CACNA1C: variants seen among roughly 807,000 people sequenced by gnomAD.
The protein encoded by CACNA1C is calcium voltage-gated channel subunit alpha1 C.
CACNA1C carries 30 observed loss-of-function variants against 229.0 expected under a neutral mutation model. That is an observed-to-expected ratio of 0.13 (90% CI 0.10 to 0.18). The LOEUF (loss-of-function observed/expected upper bound fraction) is 0.18. Among genes scored for constraint, CACNA1C ranks in the 10% least tolerant of loss-of-function variants. The probability of loss-of-function intolerance (pLI) is 1.00; values close to 1 mark genes in which losing one functional copy is unlikely to be tolerated. For synonymous variants in CACNA1C, 1,114 were observed against 1,132.5 expected, an observed-to-expected ratio of 0.98 and a Z score of 0.33; for missense variants, 1,658 against 2,845.0, an observed-to-expected ratio of 0.58 and a Z score of 9.49.
chr12:2,531,475 T>C (rs947292190), intron 9 of CACNA1C, among the ~76,000 whole-genome samples: 11 of 152,202 alleles, frequency 7.2e-5, no homozygotes, highest in African/African-American at 2.7e-4. Context: ...TCTCTAATTG[T>C]CTGTTAATCT....
At chr12:2,088,161 A>G (rs1378514485) in intron 1 of CACNA1C, among the ~76,000 whole-genome samples, 2 of 152,230 alleles carry the variant, frequency 1.3e-5, no homozygotes, top group East Asian at 1.9e-4. Flanking sequence ...TCAAAATACA[A>G]TTACACTTTT....
At chr12:2,139,437 G>A (rs1052044254) in intron 3 of CACNA1C, among the ~76,000 whole-genome samples, 4 of 150,492 alleles carry the variant, frequency 2.7e-5, no homozygotes, top group Non-Finnish European at 5.9e-5. Flanking sequence ...CACCAGCAGC[G>A]AGCCCTGTGC....
chr12:2,108,801 G>A lies in CACNA1C; in HGVS notation c.50-6423G>A, dbSNP rs538516872. ...CTATCTGTGTACTGCAATAGATAGG[G>A]AAGATTAATGGCCCAGCTTTCTAGT... On this transcript the variant is annotated intron_variant, in intron 1 of 46. Coordinates refer to ENST00000399655, the MANE Select transcript of CACNA1C (RefSeq NM_000719.7). This position sits in a 1 kb window ranked among gnomAD's most constrained non-coding sequence, Gnocchi z 5.3. Among the ~76,000 whole-genome samples the A allele has an allele frequency of 1.4e-4, 22 of 152,338 alleles. No homozygotes were observed. Among genetic ancestry groups the A allele is most frequent in the Admixed American group, 3.3e-4 (5 of 15,302 alleles).
chr12:2,130,193 CTTTTTT>C (rs35630466), intron 3 of CACNA1C, among the ~76,000 whole-genome samples: 1 of 114,144 alleles, frequency 8.8e-6, no homozygotes, highest in African/African-American at 3.3e-5. Context: ...TGAGACCTTT[CTTTTTT>C]TTTTTTTTTT....
intron 3 of CACNA1C, among the ~76,000 whole-genome samples, chr12:2,420,102 GGTGTGTGTGTGTGT>G (rs564990323): frequency 7.2e-5 from 9 of 125,494 alleles, no homozygotes; most frequent in South Asian, 2.7e-4. Flanking sequence ...TAGGCAAAAT[GGTGTGTGTGTGTGT>G]GTGTGTGTGT....
intron 1 of CACNA1C, among the ~76,000 whole-genome samples, chr12:2,037,337 T>C (rs2049323444): frequency 6.6e-6 from 1 of 152,224 alleles, no homozygotes; most frequent in Non-Finnish European, 1.5e-5. Context: ...AATGTGAGAT[T>C]GTAGGATTTC....
intron 3 of CACNA1C, chr12:2,217,945 G>T: frequency 6.6e-6 from 1 of 152,158 alleles, no homozygotes; most frequent in South Asian, 2.1e-4. Context: ...AGACTTCCAC[G>T]GACACTTTTA....
At chr12:2,019,268 C>T (rs538722531) in intron 1 of CACNA1C, among the ~76,000 whole-genome samples, 22 of 152,100 alleles carry the variant, frequency 1.4e-4, no homozygotes, top group Non-Finnish European at 2.8e-4. Flanking sequence ...TCAAGACCAG[C>T]CTGGGCAACA....
chr12:2,550,698 G>T, intron 10 of CACNA1C: 1 of 1,303,930 alleles, frequency 7.7e-7, no homozygotes, highest in Non-Finnish European at 1.0e-6. Context: ...CACCTGGGGG[G>T]CGGGGCAGGG....
intron 3 of CACNA1C, among the ~76,000 whole-genome samples, chr12:2,161,939 C>T (rs1014020082): frequency 2.6e-5 from 4 of 152,214 alleles, no homozygotes; most frequent in African/African-American, 4.8e-5. Context: ...CTTAGAACCT[C>T]CACCAGAGCT....
chr12:2,412,893 ACT>A (rs1387900827), intron 3 of CACNA1C, among the ~76,000 whole-genome samples: 1 of 152,190 alleles, frequency 6.6e-6, no homozygotes, highest in African/African-American at 2.4e-5. Context: ...CTGAGAAAAG[ACT>A]CTGAAAAGCA....
chr12:2,314,652 C>T (rs2095598030), intron 3 of CACNA1C, among the ~76,000 whole-genome samples: 1 of 152,204 alleles, frequency 6.6e-6, no homozygotes, highest in African/African-American at 2.4e-5. Flanking sequence ...TCATCCATGC[C>T]TGTAGTTTTA....
At chr12:2,070,196 C>G (rs1306172121) in intron 1 of CACNA1C, among the ~76,000 whole-genome samples, 1 of 152,104 alleles carries the variant, frequency 6.6e-6, no homozygotes, top group African/African-American at 2.4e-5. Flanking sequence ...TCCATGACTT[C>G]AAAAATAGTA....
At chr12:2,507,317 C>G (rs2099774042) in intron 8 of CACNA1C, among the ~76,000 whole-genome samples, 1 of 152,220 alleles carries the variant, frequency 6.6e-6, no homozygotes, top group South Asian at 2.1e-4. Context: ...GAGCACCTCC[C>G]CTTTCTGGTT....
chr12:2,553,002 A>G (rs887572030), intron 10 of CACNA1C, among the ~76,000 whole-genome samples: 1 of 30,080 alleles, frequency 3.3e-5, no homozygotes, highest in Non-Finnish European at 1.6e-4. Flanking sequence ...TTGCTTCTGA[A>G]GAGGAGAAGG....
intron 3 of CACNA1C, among the ~76,000 whole-genome samples, chr12:2,142,194 G>T (rs991298305): frequency 2.0e-5 from 3 of 151,258 alleles, no homozygotes; most frequent in Non-Finnish European, 4.4e-5. Context: ...GACCGTGTGG[G>T]GTGGATCATA....
intron 3 of CACNA1C, among the ~76,000 whole-genome samples, chr12:2,258,511 CT>C (rs1403034938): frequency 6.6e-6 from 1 of 152,054 alleles, no homozygotes; most frequent in African/African-American, 2.4e-5. Context: ...ATATCATCGT[CT>C]TTGGAGGACG....
intron 1 of CACNA1C, among the ~76,000 whole-genome samples, chr12:2,089,242 C>T (rs1463409760): frequency 6.6e-6 from 1 of 152,246 alleles, no homozygotes; most frequent in African/African-American, 2.4e-5. Flanking sequence ...TAAACCACCC[C>T]TGTCTGTCCC....
intron 3 of CACNA1C, among the ~76,000 whole-genome samples, chr12:2,284,293 A>ATTTT (rs35238168): frequency 1.6e-3 from 225 of 139,848 alleles, no homozygotes; most frequent in Middle Eastern, 7.5e-3. Flanking sequence ...AGACCTCTAG[A>ATTTT]TTTTTTTTTT....
Sources: gnomAD v4.1 joint callset for allele counts (sites outside exome capture counted in the v4.1 genomes callset) on GRCh38, gnomAD v4.1.1 for gene constraint, Gnocchi (gnomAD v3.1) non-coding constraint, MANE v1.5 for transcripts, NCBI Gene and HGNC (gene_info 2026-07-23, HGNC 2026-07-21) for gene names.